Variants in NR1D2 observed in about 807,000 individuals in gnomAD.
The protein encoded by NR1D2 is nuclear receptor subfamily 1 group D member 2.
A neutral mutation model predicts 52.2 loss-of-function variants in NR1D2; 25 were observed. The observed-to-expected ratio is 0.48, with a 90% CI of 0.35 to 0.67. The LOEUF (loss-of-function observed/expected upper bound fraction) is 0.67. Among genes scored for constraint, NR1D2 ranks in the 30% least tolerant of loss-of-function variants. The probability of loss-of-function intolerance (pLI) is 0.01; values close to 1 mark genes in which losing one functional copy is unlikely to be tolerated. For missense variants in NR1D2, 681 were observed against 707.2 expected (o/e 0.96, Z 0.42); for synonymous variants, 259 against 230.1 (o/e 1.13, Z -1.14).
intron 6 of NR1D2, among the ~76,000 whole-genome samples, chr3:23,967,530 T>A (rs550400263): frequency 6.6e-6 from 1 of 151,116 alleles, no homozygotes; most frequent in South Asian, 2.1e-4. Context: ...GCAGGAGAAA[T>A]GCTTGAACCC....
At chr3:23,945,832 C>A (rs948267211) in intron 1 of NR1D2, among the ~76,000 whole-genome samples, 17 of 150,864 alleles carry the variant, frequency 1.1e-4, no homozygotes, top group South Asian at 2.1e-4. Context: ...CCGGCCCCCC[C>A]CTCACATGGC....
At chr3:23,946,226 A>C (rs905554000) in intron 1 of NR1D2, 1 of 985,310 alleles carries the variant, frequency 1.0e-6, no homozygotes, top group Admixed American at 6.1e-5. Flanking sequence ...ACCGCAGTGC[A>C]CCGGACGCCG....
intron 1 of NR1D2, chr3:23,946,128 C>A (rs969791768): frequency 1.0e-6 from 1 of 984,976 alleles, no homozygotes; most frequent in Non-Finnish European, 1.2e-6. Flanking sequence ...ATTCCCTCCT[C>A]CCCCGCGGGG....
At chr3:23,946,203 A>G (rs1456914247) in intron 1 of NR1D2, 4 of 985,238 alleles carry the variant, frequency 4.1e-6, no homozygotes, top group Non-Finnish European at 4.8e-6. Flanking sequence ...GCGTCCCCGA[A>G]GCGGGCGCTG....
At chr3:23,971,511 C>T (rs564776272) in intron 7 of NR1D2, among the ~76,000 whole-genome samples, 2 of 151,922 alleles carry the variant, frequency 1.3e-5, no homozygotes, top group East Asian at 3.9e-4. Flanking sequence ...TTAGGTGATC[C>T]ACCCTCCTCG....
Position 23,962,510 on chromosome 3 carries a change from A to T in NR1D2, c.1051A>T (p.Thr351Ser). 6.2e-7 allele frequency: 1 copy of T among 1,614,152 alleles called. No homozygotes were observed. Among genetic ancestry groups the T allele is most frequent in the South Asian group, 1.1e-5 (1 of 91,072 alleles). ...TTGTATGAACTTCTCCAATGCTTAT[A>T]CTCAAAGAGTATGTGATAGAGTTCC... is the stretch of plus-strand genomic sequence containing the variant. The part of the protein sequence containing the change: ...GHCMNFSNAY[T>S]QRVCDRVPID... Residue 351 changes from threonine to serine, a missense_variant, in exon 5 of 8, where the codon ACT becomes TCT. Transcript: ENST00000312521.
rs1706142489 is a variant in NR1D2, at chr3:23,958,441, G to T, written c.373-1230G>T. 2.6e-5 allele frequency among the ~76,000 whole-genome samples: 4 copies of T among 152,166 alleles called. No individual in the cohort carries two copies. The South Asian group carries it at 8.3e-4, about 32-fold the overall frequency. ...GCTGTAGGATTGCTTGAGGTGGAGT[G>T]TGAGACCCACCTGGGCAACATAGGG... On this transcript the variant is annotated intron_variant, in intron 3 of 7. Coordinates refer to ENST00000312521, the MANE Select transcript of NR1D2 (RefSeq NM_005126.5).
At position 23,977,507 on chromosome 3, in the gene NR1D2, T is replaced by C. The variant is rs1311048854; in HGVS notation, c.*88T>C. ...TATATGTGTATACCATATGTGGAGA[T>C]AGAAAAGACCTTTAAGACAATAAAA... On this transcript the variant is annotated 3_prime_UTR_variant, in exon 8 of 8. Coordinates refer to ENST00000312521, the MANE Select transcript of NR1D2 (RefSeq NM_005126.5). 11 of 815,738 alleles carry C rather than the reference T, an allele frequency of 1.3e-5. No homozygotes were observed. In the Admixed American group the frequency reaches 2.7e-4, roughly 20 times the overall value. 50.5% of individuals were successfully genotyped at this position (815,738 alleles called of 1,614,324 possible). A position where few individuals can be genotyped will look rare whatever the true frequency, so the allele number is the denominator to read the frequency against.
rs139700034 is a variant in NR1D2, at chr3:23,958,325, A to G, written c.373-1346A>G. ...TCTAGTGAGGGGATTATAGCTATCA[A>G]ACATATTTCTCAGTCCACTTTTTAA... On this transcript the variant is annotated intron_variant, in intron 3 of 7. Coordinates refer to ENST00000312521, the MANE Select transcript of NR1D2 (RefSeq NM_005126.5). Among the ~76,000 whole-genome samples, 16 of 148,414 alleles carry G rather than the reference A, an allele frequency of 1.1e-4. No homozygotes were observed. The East Asian group carries it at 3.1e-3, about 29-fold the overall frequency.
chr3:23,946,679 A>G (rs1223140349), intron 1 of NR1D2: 2 of 152,224 alleles, frequency 1.3e-5, no homozygotes, highest in Admixed American at 6.5e-5. Flanking sequence ...CCAACACCAT[A>G]TGTAAGACTG....
At chr3:23,964,876 G>A (rs1706397171) in intron 5 of NR1D2, 101 bp from the exon 6 acceptor site, 1 of 766,140 alleles carries the variant, frequency 1.3e-6, no homozygotes, top group East Asian at 2.6e-5. Flanking sequence ...GTGTTTTGGG[G>A]GTTAAATTCA....
intron 7 of NR1D2, among the ~76,000 whole-genome samples, chr3:23,973,849 ACTT>A (rs1391658262): frequency 2.0e-5 from 3 of 151,902 alleles, no homozygotes; most frequent in African/African-American, 4.8e-5. Context: ...TTATTTATTT[ACTT>A]CTTAAACTTT....
chr3:23,953,646 G>T (rs950604294), intron 1 of NR1D2, among the ~76,000 whole-genome samples: 14 of 152,098 alleles, frequency 9.2e-5, no homozygotes, highest in African/African-American at 3.4e-4. Flanking sequence ...ATGTCTTCTG[G>T]GAACACCAAA....
rs1706794577 is a variant in NR1D2 at position 23,978,371 on chromosome 3, C to T, written c.*952C>T. On this transcript the variant is annotated 3_prime_UTR_variant, in exon 8 of 8. Transcript: ENST00000312521. ...ATTTTACTTGTTTATGATGGCATAACCATTGCTTTAAAATGTTTAGACAGT... is the reference window on the plus strand; with the variant it reads ...ATTTTACTTGTTTATGATGGCATAATCATTGCTTTAAAATGTTTAGACAGT... 1 of 152,068 alleles carries T rather than the reference C, an allele frequency of 6.6e-6. No homozygotes were observed. Among genetic ancestry groups the T allele is most frequent in the Non-Finnish European group, 1.5e-5 (1 of 68,006 alleles). 9.4% of individuals were successfully genotyped at this position (152,068 alleles called of 1,614,324 possible).
At chr3:23,956,860 C>T (rs973359053) in intron 3 of NR1D2, among the ~76,000 whole-genome samples, 43 of 152,174 alleles carry the variant, frequency 2.8e-4, no homozygotes, top group African/African-American at 1.0e-3. Context: ...TCTTGCTGTT[C>T]TCTGACTTGA....
At position 23,964,102 on chromosome 3, in the gene NR1D2, G is replaced by A. The variant is rs376502268; in HGVS notation, c.1147-875G>A. On this transcript the variant is annotated intron_variant, in intron 5 of 7. Coordinates refer to ENST00000312521, the MANE Select transcript of NR1D2 (RefSeq NM_005126.5). ...TTTTTCTTTTTTTTTTTTTCGAGAC[G>A]GAGTCTCACTCTGTCACCCAGGCTG... is the stretch of plus-strand genomic sequence containing the variant. 1.1e-4 allele frequency among the ~76,000 whole-genome samples: 16 copies of A among 149,062 alleles called. 1 individual carries two copies. In the South Asian group the frequency reaches 1.5e-3, roughly 14 times the overall value.
At chr3:23,976,263 A>G (rs1003634462) in intron 7 of NR1D2, among the ~76,000 whole-genome samples, 1 of 152,270 alleles carries the variant, frequency 6.6e-6, no homozygotes, top group Non-Finnish European at 1.5e-5. Context: ...TTAGTTACCT[A>G]TTACTGCATA....
At chr3:23,965,270 TGCTCTGTCACCCAG>T in intron 6 of NR1D2, 108 bp downstream of exon 6, 1 of 825,354 alleles carries the variant, frequency 1.2e-6, no homozygotes, top group Non-Finnish European at 1.8e-6. Context: ...GACAGAATCC[TGCTCTGTCACCCAG>T]GCTGGAGTGC....
At chr3:23,951,777 A>C (rs1215502014) in intron 1 of NR1D2, among the ~76,000 whole-genome samples, 3 of 152,242 alleles carry the variant, frequency 2.0e-5, no homozygotes, top group African/African-American at 4.8e-5. Context: ...CACATTCCTG[A>C]GGATGTGTTC....
Sources: gnomAD v4.1 joint callset for allele counts (sites outside exome capture counted in the v4.1 genomes callset) on GRCh38, gnomAD v4.1.1 for gene constraint, MANE v1.5 for transcripts, NCBI Gene and HGNC (gene_info 2026-07-23, HGNC 2026-07-21) for gene names.